The following RNF170 variants were observed in gnomAD, a reference collection of about 807,000 sequenced individuals.
RNF170 encodes the protein E3 ubiquitin-protein ligase RNF170.
RNF170 carries 12 observed loss-of-function variants against 32.7 expected under a neutral mutation model. The ratio of observed to expected loss-of-function variants is 0.37; its 90% CI spans 0.24 to 0.60. RNF170 has a LOEUF of 0.60. Among genes scored for constraint, RNF170 ranks in the 20% least tolerant of loss-of-function variants. The probability of loss-of-function intolerance (pLI) is 0.72; values close to 1 mark genes in which losing one functional copy is unlikely to be tolerated. For synonymous variants in RNF170, 91 were observed against 103.6 expected (o/e 0.88, Z 0.74); for missense variants, 212 against 311.2 (o/e 0.68, Z 2.40).
In RNF170 at chr8:42,854,940, G is replaced by C; in HGVS notation, c.*1219C>G. ...AGTATTATAAAAATTTCTGACAACA[G>C]AAAACTAACAAAATTTGTCCAATCT... On this transcript the variant is annotated 3_prime_UTR_variant, in exon 7 of 7. Transcript: ENST00000527424. 1 of 1,287,186 alleles carries C rather than the reference G, an allele frequency of 7.8e-7. No individual in the cohort carries two copies. The highest frequency in any genetic ancestry group is 1.0e-6 in the Non-Finnish European group (1 of 988,688). 79.7% of individuals were successfully genotyped at this position (1,287,186 alleles called of 1,614,324 possible).
chr8:42,889,977 A>G (rs1033924198), intron 1 of RNF170, among the ~76,000 whole-genome samples: 1 of 152,096 alleles, frequency 6.6e-6, no homozygotes, highest in Non-Finnish European at 1.5e-5. Flanking sequence ...AAGATTTCCA[A>G]CCTCTAATTA....
chr8:42,851,066 T>C, downstream of RNF170: 1 of 1,537,570 alleles, frequency 6.5e-7, no homozygotes, highest in Non-Finnish European at 8.8e-7. Flanking sequence ...TGCACGTAAA[T>C]CCAAATCAAC....
intron 2 of RNF170, among the ~76,000 whole-genome samples, chr8:42,887,310 T>C (rs1399105575): frequency 2.0e-5 from 3 of 151,982 alleles, no homozygotes; most frequent in Non-Finnish European, 4.4e-5. Context: ...AATAAATAAA[T>C]AAATAAGTAA....
In RNF170 at chr8:42,853,895, T is replaced by C. The variant is rs1199242567; in HGVS notation, c.*2264A>G. 1 of 1,286,844 alleles carries C rather than the reference T, an allele frequency of 7.8e-7. No individual in the cohort carries two copies. Among genetic ancestry groups the C allele is most frequent in the Non-Finnish European group, 1.0e-6 (1 of 988,464 alleles). The allele number at this position is 1,286,844 out of a possible 1,614,324, so 79.7% of individuals were successfully genotyped here. A position where few individuals can be genotyped will look rare whatever the true frequency, so the allele number is the denominator to read the frequency against. ...TACACCTCTTTCAGGAAAGTCTTAG[T>C]AGTAACTCCAAATATTATAATTATT... On this transcript the variant is annotated 3_prime_UTR_variant, in exon 7 of 7. Coordinates refer to ENST00000527424, the MANE Select transcript of RNF170 (RefSeq NM_030954.4).
At chr8:42,857,122 A>T (rs909570072) in intron 6 of RNF170, among the ~76,000 whole-genome samples, 3 of 152,226 alleles carry the variant, frequency 2.0e-5, no homozygotes, top group African/African-American at 7.2e-5. Flanking sequence ...TTTCTCTGCT[A>T]TGTTTAACAA....
At chr8:42,862,254 T>A (rs926084285) in intron 5 of RNF170, among the ~76,000 whole-genome samples, 12 of 152,344 alleles carry the variant, frequency 7.9e-5, no homozygotes, top group Non-Finnish European at 5.9e-5. Context: ...ATTAAAATAA[T>A]GATTGGTTAT....
intron 2 of RNF170, among the ~76,000 whole-genome samples, chr8:42,875,231 G>A (rs1013627266): frequency 2.0e-5 from 3 of 151,372 alleles, no homozygotes; most frequent in Non-Finnish European, 2.9e-5. Context: ...GGGGTGAAGC[G>A]TTACATGTTA....
At chr8:42,859,131 C>T (rs1344861646) in intron 6 of RNF170, among the ~76,000 whole-genome samples, 1 of 151,926 alleles carries the variant, frequency 6.6e-6, no homozygotes, top group Non-Finnish European at 1.5e-5. Flanking sequence ...TTGCAGCGAG[C>T]CAAGATTGCA....
At chr8:42,850,398 G>A (rs570274503), downstream of RNF170, 561 of 245,898 alleles carry the variant, frequency 2.3e-3, 6 homozygotes, top group South Asian at 0.02. Flanking sequence ...CTGGAAGGTC[G>A]CTGTGATCCT....
intron 3 of RNF170, 40 bp downstream of exon 3, chr8:42,873,891 G>A (rs374395773): frequency 9.4e-7 from 1 of 1,061,228 alleles, no homozygotes; most frequent in Non-Finnish European, 1.5e-6. Flanking sequence ...TGCAAAGGGA[G>A]CTATCACATC....
chr8:42,887,575 T>C (rs1363522751), intron 2 of RNF170, among the ~76,000 whole-genome samples, 153 bp downstream of exon 2: 2 of 152,202 alleles, frequency 1.3e-5, no homozygotes, highest in Non-Finnish European at 2.9e-5. Flanking sequence ...ATGTTAGCAT[T>C]CAAAGCCCCG....
intron 1 of RNF170, among the ~76,000 whole-genome samples, chr8:42,888,271 AG>A (rs1316190520): frequency 6.6e-6 from 1 of 151,728 alleles, no homozygotes; most frequent in East Asian, 2.0e-4. Context: ...TCACCGTGTT[AG>A]CCAGGATGGT....
At chr8:42,892,838 T>C (rs1332609624) in intron 1 of RNF170, among the ~76,000 whole-genome samples, 1 of 151,988 alleles carries the variant, frequency 6.6e-6, no homozygotes, top group Non-Finnish European at 1.5e-5. Flanking sequence ...AATACAAAAA[T>C]TAGCCAGACG....
At chr8:42,850,385 T>A (rs1802911366), downstream of RNF170, 3 of 237,090 alleles carry the variant, frequency 1.3e-5, no homozygotes, top group South Asian at 1.8e-4. Flanking sequence ...CCTGGGAGAC[T>A]GCCTGGAAGG....
Position 42,853,514 on chromosome 8 carries a change from A to G in RNF170, c.*2645T>C. On this transcript the variant is annotated 3_prime_UTR_variant, in exon 7 of 7. Transcript: ENST00000527424. ...ACCACTGTTCTAGTGGGCAGTTAGA[A>G]CAGTTGTTTTCCCCGTCTTGTTCCC... The G allele has an allele frequency of 1.6e-6, 2 of 1,287,144 alleles. No homozygotes were observed. The highest frequency in any genetic ancestry group is 1.5e-5 in the African/African-American group (1 of 65,882). 79.7% of individuals were successfully genotyped at this position (1,287,144 alleles called of 1,614,324 possible).
At chr8:42,885,506 CA>C (rs1240921620) in intron 2 of RNF170, among the ~76,000 whole-genome samples, 1 of 152,136 alleles carries the variant, frequency 6.6e-6, no homozygotes, top group Non-Finnish European at 1.5e-5. Context: ...GCAACTGTAC[CA>C]TTTTATACTC....
At chr8:42,894,242 G>A (rs1806553644) in intron 1 of RNF170, among the ~76,000 whole-genome samples, 1 of 152,212 alleles carries the variant, frequency 6.6e-6, no homozygotes, top group African/African-American at 2.4e-5. Context: ...AGCCAAGCTT[G>A]AAAAAGGAGA....
intron 5 of RNF170, among the ~76,000 whole-genome samples, chr8:42,863,994 T>A (rs1208678111): frequency 1.3e-5 from 2 of 148,926 alleles, no homozygotes; most frequent in African/African-American, 2.5e-5. Context: ...TGTGTGTGTG[T>A]GTGTGTGTGT....
intron 1 of RNF170, among the ~76,000 whole-genome samples, chr8:42,890,156 A>G (rs1360362474): frequency 6.6e-6 from 1 of 151,718 alleles, no homozygotes; most frequent in Non-Finnish European, 1.5e-5. Context: ...ATTTGTTTCT[A>G]TGTCCTTCAA....
Sources: gnomAD v4.1 joint callset for allele counts (sites outside exome capture counted in the v4.1 genomes callset) on GRCh38, gnomAD v4.1.1 for gene constraint, MANE v1.5 for transcripts, NCBI Gene and HGNC (gene_info 2026-07-23, HGNC 2026-07-21) for gene names.